The following EIF4G3 variants were observed in gnomAD, a reference collection of about 807,000 sequenced individuals.
EIF4G3 encodes eukaryotic translation initiation factor 4 gamma 3, also known as eIF-4-gamma 3.
In EIF4G3, 34 loss-of-function variants were observed where a neutral mutation model predicts 186.4. The observed-to-expected ratio is 0.18, with a 90% CI of 0.14 to 0.24. The LOEUF (loss-of-function observed/expected upper bound fraction) is 0.24. EIF4G3 is among the 10% of genes least tolerant of loss of function. The probability of loss-of-function intolerance (pLI) is 1.00; values close to 1 mark genes in which losing one functional copy is unlikely to be tolerated. For missense variants in EIF4G3, 1,536 were observed against 1,948.5 expected, an observed-to-expected ratio of 0.79 and a Z score of 3.99; for synonymous variants, 673 against 679.5, an observed-to-expected ratio of 0.99 and a Z score of 0.15.
chr1:20,899,359 G>A (rs2089543606), intron 16 of EIF4G3, among the ~76,000 whole-genome samples: 1 of 152,170 alleles, frequency 6.6e-6, no homozygotes, highest in African/African-American at 2.4e-5. Flanking sequence ...GCCATCTCGA[G>A]GAATGTGGTA....
At chr1:21,020,874 T>C (rs1362621946) in intron 4 of EIF4G3, among the ~76,000 whole-genome samples, 1 of 152,252 alleles carries the variant, frequency 6.6e-6, no homozygotes, top group Non-Finnish European at 1.5e-5. Context: ...TTTCCTACTT[T>C]ATATATAGCA....
At chr1:21,105,430 A>C (rs1460223984) in intron 2 of EIF4G3, among the ~76,000 whole-genome samples, 1 of 150,928 alleles carries the variant, frequency 6.6e-6, no homozygotes, top group Non-Finnish European at 1.5e-5. Flanking sequence ...CTCCGTCTTA[A>C]AAAAAAAAGA....
chr1:21,105,800 C>T (rs1040531875), intron 2 of EIF4G3, among the ~76,000 whole-genome samples: 1 of 152,168 alleles, frequency 6.6e-6, no homozygotes, highest in South Asian at 2.1e-4. Context: ...CAGAGACTCA[C>T]TCCTATAATC....
chr1:20,886,406 T>C (rs1440016950), intron 18 of EIF4G3, 35 bp from the exon 19 acceptor site: 2 of 1,597,788 alleles, frequency 1.3e-6, no homozygotes, highest in East Asian at 4.5e-5. Flanking sequence ...TCAGAGTACT[T>C]ACAATTTATT....
At chr1:20,819,663 A>G (rs2061838662) in intron 33 of EIF4G3, among the ~76,000 whole-genome samples, 2 of 152,156 alleles carry the variant, frequency 1.3e-5, no homozygotes, top group African/African-American at 2.4e-5. Context: ...AGAGGGGAAC[A>G]ACACACACGA....
intron 25 of EIF4G3, among the ~76,000 whole-genome samples, chr1:20,855,942 T>C (rs1033023419): frequency 6.6e-6 from 1 of 152,238 alleles, no homozygotes. Context: ...ACTGTTTTTA[T>C]AGTATCCAAG....
At chr1:20,929,873 C>A (rs537463067) in intron 14 of EIF4G3, among the ~76,000 whole-genome samples, 1 of 152,078 alleles carries the variant, frequency 6.6e-6, no homozygotes, top group Non-Finnish European at 1.5e-5. Flanking sequence ...TAATCAAATA[C>A]ATGAAAAACT....
At chr1:21,142,708 C>A (rs1343905696) in intron 2 of EIF4G3, among the ~76,000 whole-genome samples, 1 of 152,164 alleles carries the variant, frequency 6.6e-6, no homozygotes, top group Admixed American at 6.6e-5. Context: ...TACTTCCCTT[C>A]ATACATTTTG....
intron 4 of EIF4G3, chr1:21,003,621 G>A (rs10493005): frequency 3.1e-6 from 1 of 326,482 alleles, no homozygotes; most frequent in African/African-American, 2.2e-5. Context: ...AGCTAAGGTT[G>A]TCAGTACAAT....
At chr1:20,830,476 G>A (rs2154547826) in intron 30 of EIF4G3, among the ~76,000 whole-genome samples, 1 of 152,272 alleles carries the variant, frequency 6.6e-6, no homozygotes, top group South Asian at 2.1e-4. Context: ...CTCTCATTAT[G>A]TGCATACTTT....
rs1250889142 is a variant in EIF4G3 at position 20,814,907 on chromosome 1, C to T, written c.4516-1668G>A. On this transcript the variant is annotated intron_variant, in intron 34 of 36. Coordinates refer to ENST00000602326, the MANE Select transcript of EIF4G3 (RefSeq NM_001391906.1). ...GCCTGATTCTCCTGCCTCAGCCTGC[C>T]GAGTGCCTGCGATTGCAGGCGCGCG... Among the ~76,000 whole-genome samples the T allele has an allele frequency of 9.5e-5, 11 of 116,054 alleles. No homozygotes were observed. In the South Asian group the frequency reaches 3.2e-3, roughly 34 times the overall value. 76.1% of individuals were successfully genotyped at this position (116,054 alleles called of 152,430 possible).
At chr1:20,906,660 A>G (rs1047912179) in intron 14 of EIF4G3, among the ~76,000 whole-genome samples, 4 of 151,972 alleles carry the variant, frequency 2.6e-5, no homozygotes, top group Admixed American at 6.6e-5. Flanking sequence ...ACATACTTGG[A>G]AAAAAAACAG....
rs370079869 is a variant in EIF4G3, at chr1:20,860,358, C to T, written c.3244+27G>A. On this transcript the variant is annotated intron_variant, in intron 24 of 36. Transcript: ENST00000602326. The stretch of plus-strand genomic sequence containing the variant: ...TGTATTCCTGAAACTTCCAAGTTCT[C>T]TAAACCCTGGTGGATTCCGGCCTCA... 6.8e-6 allele frequency: 11 copies of T among 1,613,124 alleles called. No individual in the cohort carries two copies. The African/African-American group carries it at 9.4e-5, about 14-fold the overall frequency.
At chr1:21,053,892 A>AG (rs1296949311) in intron 3 of EIF4G3, among the ~76,000 whole-genome samples, 1 of 149,158 alleles carries the variant, frequency 6.7e-6, no homozygotes, top group Non-Finnish European at 1.5e-5. Context: ...CTGCGAGGTG[A>AG]GGGGCGCCTC....
intron 7 of EIF4G3, among the ~76,000 whole-genome samples, chr1:20,983,807 T>C (rs2078818759): frequency 6.6e-6 from 1 of 152,172 alleles, no homozygotes; most frequent in South Asian, 2.1e-4. Context: ...AAAATACTCC[T>C]ATGTTGCCTG....
At chr1:21,164,376 C>T (rs982962747) in intron 2 of EIF4G3, among the ~76,000 whole-genome samples, 1 of 152,122 alleles carries the variant, frequency 6.6e-6, no homozygotes, top group Admixed American at 6.6e-5. Flanking sequence ...TCCAATAGGC[C>T]TTATTTTATA....
Position 20,899,861 on chromosome 1 carries a change from C to G in EIF4G3, c.1835G>C (p.Arg612Thr). The G allele has an allele frequency of 6.2e-7, 1 of 1,614,136 alleles. No individual in the cohort carries two copies. Among genetic ancestry groups the G allele is most frequent in the African/African-American group, 1.3e-5 (1 of 75,036 alleles). Residue 612 changes from arginine to threonine, a missense_variant, in exon 16 of 37, where the codon AGA becomes ACA. Coordinates refer to ENST00000602326, the MANE Select transcript of EIF4G3 (RefSeq NM_001391906.1). ...CACTTTTTTTAGGTCAGAGGGGTCT[C>G]TTTCAGGATGAAACCCCTGGCTCAT... is the stretch of plus-strand genomic sequence containing the variant. ...DKMSQGFHPE[R>T]DPSDLKKVKA...
At chr1:20,826,068 C>T (rs2063535752) in intron 32 of EIF4G3, among the ~76,000 whole-genome samples, 1 of 152,228 alleles carries the variant, frequency 6.6e-6, no homozygotes, top group Admixed American at 6.5e-5. Flanking sequence ...ACTCGGCCAT[C>T]TGGCTCCAAA....
chr1:21,032,789 CGGAGTGAAAAAAG>C (rs936623804), intron 4 of EIF4G3, among the ~76,000 whole-genome samples: 10 of 151,886 alleles, frequency 6.6e-5, no homozygotes, highest in South Asian at 2.1e-4. Context: ...TTAAAAAAAA[CGGAGTGAAAAAAG>C]GGAGTGAAAA....
Sources: gnomAD v4.1 joint callset for allele counts (sites outside exome capture counted in the v4.1 genomes callset) on GRCh38, gnomAD v4.1.1 for gene constraint, MANE v1.5 for transcripts, NCBI Gene and HGNC (gene_info 2026-07-23, HGNC 2026-07-21) for gene names.